Variants in DCT observed in about 807,000 individuals in gnomAD.
The protein encoded by DCT is L-dopachrome tautomerase.
A neutral mutation model predicts 53.0 loss-of-function variants in DCT; 47 were observed. The ratio of observed to expected loss-of-function variants is 0.89; its 90% CI spans 0.70 to 1.13. The LOEUF is 1.13. DCT is among the 50% of genes most tolerant of loss of function. The probability of loss-of-function intolerance (pLI) is 0.00; values close to 1 mark genes in which losing one functional copy is unlikely to be tolerated. For synonymous variants in DCT, 244 were observed against 237.0 expected, an observed-to-expected ratio of 1.03 and a Z score of -0.27; for missense variants, 669 against 637.4, an observed-to-expected ratio of 1.05 and a Z score of -0.53.
intron 6 of DCT, among the ~76,000 whole-genome samples, chr13:94,453,936 A>T (rs968722984): frequency 1.3e-5 from 2 of 152,122 alleles, no homozygotes; most frequent in Admixed American, 6.5e-5. Context: ...TTCTTTTTTT[A>T]AATTTCAACT....
chr13:94,531,822 A>G, the DCT span, among the ~76,000 whole-genome samples: 1 of 152,238 alleles, frequency 6.6e-6, no homozygotes, highest in African/African-American at 2.4e-5. Flanking sequence ...GCTTCTGCAC[A>G]GCAAAAAAAC....
the DCT span, among the ~76,000 whole-genome samples, chr13:94,499,484 G>A: frequency 1.5e-3 from 223 of 152,186 alleles, 2 homozygotes; most frequent in African/African-American, 4.7e-3. Context: ...GTGTGTGTGC[G>A]TTCTCTCCAA....
the DCT span, among the ~76,000 whole-genome samples, chr13:94,532,635 A>C: frequency 6.6e-6 from 1 of 152,148 alleles, no homozygotes; most frequent in Non-Finnish European, 1.5e-5. Context: ...AGGGCCTGTC[A>C]GGGAGTCAGG....
chr13:94,521,163 C>A, the DCT span, among the ~76,000 whole-genome samples: 1 of 152,274 alleles, frequency 6.6e-6, no homozygotes, highest in Non-Finnish European at 1.5e-5. Context: ...TGATCCAGGG[C>A]AACTTGCTTA....
chr13:94,490,393 T>A, the DCT span, among the ~76,000 whole-genome samples: 2 of 150,524 alleles, frequency 1.3e-5, no homozygotes, highest in African/African-American at 4.9e-5. Flanking sequence ...TAGTCCCAGC[T>A]ACTCATGAGG....
chr13:94,450,093 A>G (rs1354388267), intron 6 of DCT, among the ~76,000 whole-genome samples: 3 of 152,136 alleles, frequency 2.0e-5, no homozygotes, highest in Non-Finnish European at 4.4e-5. Context: ...GCCCTTACCA[A>G]AGAGACCCAG....
At chr13:94,541,412 G>A in the DCT span, among the ~76,000 whole-genome samples, 4 of 151,874 alleles carry the variant, frequency 2.6e-5, no homozygotes, top group African/African-American at 9.7e-5. Context: ...ACTGAGGCAG[G>A]AGAATCACTT....
Position 94,479,234 on chromosome 13 carries a change from A to G in DCT, c.22T>C (p.Phe8Leu). MSPLWWG[F>L]LLSCLGCKIL... ...TTGCAGCCCAAGCAACTGAGCAGAAACCCCCACCAAAGGGGGCTCATGGCT... is the reference window on the plus strand; with the variant it reads ...TTGCAGCCCAAGCAACTGAGCAGAAGCCCCCACCAAAGGGGGCTCATGGCT... The change falls in exon 1 of 8, where the codon TTT becomes CTT. Residue 8 changes from phenylalanine to leucine, a missense_variant. By Grantham distance (22) the Phe-to-Leu change is conservative. Coordinates refer to ENST00000377028, the MANE Select transcript of DCT (RefSeq NM_001922.5). 1.3e-6 allele frequency: 2 copies of G among 1,587,422 alleles called. No individual in the cohort carries two copies. Among genetic ancestry groups the G allele is most frequent in the Middle Eastern group, 1.7e-4 (1 of 5,954 alleles).
At chr13:94,529,992 A>C in the DCT span, among the ~76,000 whole-genome samples, 1 of 152,250 alleles carries the variant, frequency 6.6e-6, no homozygotes, top group Admixed American at 6.5e-5. Flanking sequence ...ATCAGAGAAT[A>C]CTATAAACAC....
upstream of DCT, among the ~76,000 whole-genome samples, chr13:94,480,056 G>A (rs77057460): frequency 6.6e-6 from 1 of 152,166 alleles, no homozygotes; most frequent in Non-Finnish European, 1.5e-5. Context: ...AGGGGGTCAT[G>A]CAACTTCAAA....
At chr13:94,520,570 G>T in the DCT span, among the ~76,000 whole-genome samples, 2 of 152,250 alleles carry the variant, frequency 1.3e-5, no homozygotes, top group South Asian at 2.1e-4. Context: ...CAAAACATGT[G>T]AGCCCCAAAT....
At chr13:94,492,493 C>T in the DCT span, among the ~76,000 whole-genome samples, 1 of 152,032 alleles carries the variant, frequency 6.6e-6, no homozygotes, top group Non-Finnish European at 1.5e-5. Flanking sequence ...GGGCTTCACT[C>T]CCTGCCTTCT....
upstream of DCT, among the ~76,000 whole-genome samples, chr13:94,484,360 G>A (rs777673609): frequency 6.6e-6 from 1 of 152,164 alleles, no homozygotes; most frequent in Non-Finnish European, 1.5e-5. Flanking sequence ...TATTTTTACT[G>A]CATTTGAAAT....
intron 6 of DCT, among the ~76,000 whole-genome samples, chr13:94,455,381 T>TAGAGAGAGAGAGAGAG (rs56301019): frequency 0.046 from 6,552 of 141,504 alleles, 245 homozygotes; most frequent in Non-Finnish European, 0.069. Flanking sequence ...GACTGTCTCT[T>TAGAGAGAGAGAGAGAG]AGAGAGAGAG....
At chr13:94,526,585 G>A in the DCT span, among the ~76,000 whole-genome samples, 1 of 152,116 alleles carries the variant, frequency 6.6e-6, no homozygotes, top group East Asian at 1.9e-4. Flanking sequence ...AGCTATGATT[G>A]CACCACTGCA....
At chr13:94,465,874 T>G (rs1215258399) in intron 3 of DCT, 75 bp from the exon 4 acceptor site, 2 of 1,279,038 alleles carry the variant, frequency 1.6e-6, no homozygotes, top group African/African-American at 3.0e-5. Flanking sequence ...AGGCAAAGGC[T>G]GATATGTATC....
the DCT span, among the ~76,000 whole-genome samples, chr13:94,491,658 G>T: frequency 1.3e-5 from 2 of 152,184 alleles, no homozygotes; most frequent in African/African-American, 4.8e-5. Flanking sequence ...AGGAGAGTTG[G>T]TATGGGTCAT....
chr13:94,473,498 T>A (rs1162584846), intron 1 of DCT, among the ~76,000 whole-genome samples: 1 of 152,176 alleles, frequency 6.6e-6, no homozygotes, highest in Non-Finnish European at 1.5e-5. Context: ...AGCATCTGTA[T>A]AAATGAGGCA....
chr13:94,491,281 CT>C, the DCT span, among the ~76,000 whole-genome samples: 1 of 152,172 alleles, frequency 6.6e-6, no homozygotes, highest in Non-Finnish European at 1.5e-5. Context: ...CCAGGCCTGT[CT>C]TTCAGCTTCT....
Sources: allele counts gnomAD v4.1 joint callset (sites outside exome capture counted in the v4.1 genomes callset), GRCh38; gene constraint gnomAD v4.1.1; transcripts MANE v1.5; gene names NCBI Gene and HGNC (gene_info 2026-07-23, HGNC 2026-07-21).